The following ZCCHC8 variants were observed in gnomAD, a reference collection of about 807,000 sequenced individuals.
ZCCHC8 encodes zinc finger CCHC domain-containing protein 8.
ZCCHC8 carries 27 observed loss-of-function variants against 70.6 expected under a neutral mutation model. The observed-to-expected ratio is 0.38, with a 90% CI of 0.28 to 0.53. The LOEUF (loss-of-function observed/expected upper bound fraction) is 0.53, where lower values mean the gene tolerates loss of function less well. ZCCHC8 is among the 20% of genes least tolerant of loss of function. The pLI, the probability that ZCCHC8 is intolerant of heterozygous loss-of-function variation, is 0.81. For synonymous variants in ZCCHC8, 293 were observed against 317.4 expected (o/e 0.92, Z 0.82); for missense variants, 737 against 876.9 (o/e 0.84, Z 2.01).
At chr12:122,491,443 C>T (rs1001868640) in intron 3 of ZCCHC8, among the ~76,000 whole-genome samples, 4 of 150,360 alleles carry the variant, frequency 2.7e-5, no homozygotes, top group African/African-American at 4.9e-5. Context: ...GCAAGAGAAT[C>T]GCTTGAACCC....
At position 122,473,957 on chromosome 12, in the gene ZCCHC8, G is replaced by T. The variant is rs1957365507; in HGVS notation, c.1664C>A (p.Ala555Asp). 6.2e-7 allele frequency: 1 copy of T among 1,607,272 alleles called. No individual in the cohort carries two copies. Among genetic ancestry groups the T allele is most frequent in the Non-Finnish European group, 8.5e-7 (1 of 1,177,652 alleles). The change falls in exon 14 of 14, where the codon GCC becomes GAC. Residue 555 changes from alanine (A) to aspartate (D), a missense_variant. By Grantham distance (126) the Ala-to-Asp change is moderately radical (BLOSUM62 -2). Transcript: ENST00000633063. ...TAGCTCATTTGGACAAGGTGATGAG[G>T]CAACGGAATTGCCAGTTAAAGGTGT... Reference protein sequence around the residue: ...VDTPLTGNSVASSPCPNELDL... With the variant: ...VDTPLTGNSVDSSPCPNELDL...
intron 11 of ZCCHC8, among the ~76,000 whole-genome samples, chr12:122,479,340 G>A (rs1264651484): frequency 1.3e-5 from 2 of 152,326 alleles, no homozygotes; most frequent in Middle Eastern, 3.4e-3. Context: ...GCTTCCCAAA[G>A]TGCTGGGATT....
chr12:122,473,548 C>T lies in ZCCHC8; in HGVS notation c.2073G>A (p.Leu691=), dbSNP rs78310827. 8,680 of 1,613,946 alleles carry T rather than the reference C, an allele frequency of 5.4e-3. 275 individuals carry two copies. The African/African-American group carries it at 0.086, about 16-fold the overall frequency. The change falls in exon 14 of 14, where the codon TTG becomes TTA. Residue 691 remains leucine, a synonymous_variant. Coordinates refer to ENST00000633063, the MANE Select transcript of ZCCHC8 (RefSeq NM_017612.5). ...STGMYLRIRS[L]LKNSPRNQQK... is the part of the protein sequence containing the mutation. ...GCTGGTTTCGGGGTGAGTTCTTTAACAAGCTTCTTATCCTGAGGTACATTC... is the reference window on the plus strand; with the variant it reads ...GCTGGTTTCGGGGTGAGTTCTTTAATAAGCTTCTTATCCTGAGGTACATTC...
rs1403760010 is a variant in ZCCHC8 at position 122,482,094 on chromosome 12, C to G, written c.733-7G>C. On this transcript the variant is annotated splice_polypyrimidine_tract_variant and splice_region_variant and intron_variant, in intron 8 of 13. Transcript: ENST00000633063. The stretch of plus-strand genomic sequence containing the variant: ...TTCGAGCAGCATTCCGAGGCTACAT[C>G]ATGACACATTTGAAAAGAATGGTTT... 1 of 1,594,292 alleles carries G rather than the reference C, an allele frequency of 6.3e-7. No individual in the cohort carries two copies.
chr12:122,490,755 G>A (rs568605450), intron 3 of ZCCHC8, among the ~76,000 whole-genome samples, 188 bp from the exon 4 acceptor site: 35 of 152,296 alleles, frequency 2.3e-4, no homozygotes, highest in African/African-American at 7.5e-4. Flanking sequence ...CCAAGTTAAT[G>A]CAATAATTAT....
intron 5 of ZCCHC8, among the ~76,000 whole-genome samples, chr12:122,486,387 TGGGTGACAGAGCGAGA>T (rs1957638259): frequency 8.5e-6 from 1 of 117,688 alleles, no homozygotes; most frequent in South Asian, 2.8e-4. Flanking sequence ...CACTCTAGCC[TGGGTGACAGAGCGAGA>T]GGCTGTCTCA....
intron 13 of ZCCHC8, among the ~76,000 whole-genome samples, chr12:122,476,538 G>A (rs1957420762): frequency 6.6e-6 from 1 of 151,588 alleles, no homozygotes; most frequent in African/African-American, 2.4e-5. Context: ...AGGCTGCACT[G>A]AGCCATGATC....
At chr12:122,476,350 T>C (rs373482054) in intron 13 of ZCCHC8, among the ~76,000 whole-genome samples, 73 of 151,324 alleles carry the variant, frequency 4.8e-4, no homozygotes, top group African/African-American at 1.7e-3. Context: ...CCAGTAACAT[T>C]GGGAGGCTGA....
intron 5 of ZCCHC8, among the ~76,000 whole-genome samples, chr12:122,489,070 C>T (rs1281666442): frequency 6.6e-6 from 1 of 152,172 alleles, no homozygotes; most frequent in African/African-American, 2.4e-5. Context: ...AGCTATCTAT[C>T]CCTCTCAGCT....
intron 2 of ZCCHC8, among the ~76,000 whole-genome samples, chr12:122,496,447 T>C (rs1235566423): frequency 6.6e-6 from 1 of 152,120 alleles, no homozygotes; most frequent in Non-Finnish European, 1.5e-5. Context: ...CGGATAAAAA[T>C]CACCCAATTT....
chr12:122,482,564 A>G, intron 8 of ZCCHC8, 71 bp downstream of exon 8: 1 of 1,208,912 alleles, frequency 8.3e-7, no homozygotes, highest in Non-Finnish European at 1.2e-6. Context: ...ATGTCATACA[A>G]TAACATAAAT....
chr12:122,494,773 T>C (rs1023838813), intron 2 of ZCCHC8, among the ~76,000 whole-genome samples: 7 of 152,122 alleles, frequency 4.6e-5, no homozygotes, highest in Non-Finnish European at 7.4e-5. Flanking sequence ...GAGAATTGCT[T>C]GAACAGGGGA....
Position 122,473,297 on chromosome 12 carries a change from A to C in ZCCHC8, c.*200T>G, listed in dbSNP as rs190454346. The stretch of plus-strand genomic sequence containing the variant: ...CAGGTCATATTCACATCTCCCCCCA[A>C]GTTTTGTCAGTGAGAATAAAATATA... On this transcript the variant is annotated 3_prime_UTR_variant, in exon 14 of 14. Transcript: ENST00000633063. The C allele has an allele frequency of 4.8e-3, 2,926 of 604,382 alleles. 25 individuals carry two copies. Among genetic ancestry groups the C allele is most frequent in the Middle Eastern group, 0.027 (61 of 2,228 alleles). The allele number at this position is 604,382 out of a possible 1,614,324, so 37.4% of individuals were successfully genotyped here.
intron 4 of ZCCHC8, 50 bp downstream of exon 4, chr12:122,490,412 C>T: frequency 7.3e-7 from 1 of 1,372,828 alleles, no homozygotes; most frequent in Non-Finnish European, 1.0e-6. Flanking sequence ...CAATAATTGG[C>T]AGTGAAACGC....
chr12:122,485,927 A>G (rs1277053136), intron 5 of ZCCHC8, among the ~76,000 whole-genome samples: 1 of 152,036 alleles, frequency 6.6e-6, no homozygotes, highest in African/African-American at 2.4e-5. Flanking sequence ...CGTCCAATTC[A>G]TCAACACATT....
intron 10 of ZCCHC8, chr12:122,481,222 T>G: frequency 5.0e-6 from 1 of 198,020 alleles, no homozygotes; most frequent in Non-Finnish European, 1.0e-5. Context: ...TCTCCTGGCA[T>G]TTAGGATTTA....
Position 122,500,359 on chromosome 12 carries a change from G to A in ZCCHC8, c.199+283C>T. On this transcript the variant is annotated intron_variant, in intron 1 of 13. Coordinates refer to ENST00000633063, the MANE Select transcript of ZCCHC8 (RefSeq NM_017612.5). The surrounding 1 kb of genome is among the most constrained non-coding windows in gnomAD (Gnocchi z 4.8). ...GGCTTGTGTACAATCTGTCAGGTGA[G>A]CAGCCTAAAATAACCCTAAACACGG... is the stretch of plus-strand genomic sequence containing the variant. 2.2e-6 allele frequency: 1 copy of A among 451,486 alleles called. No homozygotes were observed. Among genetic ancestry groups the A allele is most frequent in the Non-Finnish European group, 4.0e-6 (1 of 250,542 alleles). 28.0% of individuals were successfully genotyped at this position (451,486 alleles called of 1,614,324 possible). A position where few individuals can be genotyped will look rare whatever the true frequency, so the allele number is the denominator to read the frequency against.
intron 5 of ZCCHC8, among the ~76,000 whole-genome samples, chr12:122,486,558 C>T (rs1957644775): frequency 6.6e-5 from 10 of 151,996 alleles, no homozygotes; most frequent in Admixed American, 6.6e-4. Context: ...CCACGTGCTC[C>T]AGACTCCAAG....
chr12:122,496,295 G>T (rs1453853638), intron 2 of ZCCHC8, among the ~76,000 whole-genome samples: 1 of 151,972 alleles, frequency 6.6e-6, no homozygotes, highest in Non-Finnish European at 1.5e-5. Context: ...TTTTTCCTTG[G>T]TTTTCTGTAC....
Sources: allele counts gnomAD v4.1 joint callset (sites outside exome capture counted in the v4.1 genomes callset), GRCh38; gene constraint gnomAD v4.1.1; non-coding constraint Gnocchi (gnomAD v3.1); transcripts MANE v1.5; gene names NCBI Gene and HGNC (gene_info 2026-07-23, HGNC 2026-07-21).